SMAD7: variants seen among roughly 807,000 people sequenced by gnomAD.
The protein encoded by SMAD7 is SMAD family member 7.
Under a neutral mutation model 38.7 loss-of-function variants are expected in SMAD7, and 8 were observed. The ratio of observed to expected loss-of-function variants is 0.21; its 90% CI spans 0.12 to 0.37. The LOEUF is 0.37. SMAD7 is among the 10% of genes least tolerant of loss of function. The pLI is 1.00. For missense variants in SMAD7, 477 were observed against 577.9 expected, an observed-to-expected ratio of 0.83 and a Z score of 1.79; for synonymous variants, 327 against 265.1, an observed-to-expected ratio of 1.23 and a Z score of -2.27.
intron 3 of SMAD7, among the ~76,000 whole-genome samples, chr18:48,931,631 G>A (rs563074740): frequency 8.5e-4 from 130 of 152,290 alleles, no homozygotes; most frequent in Non-Finnish European, 1.6e-3. Flanking sequence ...ATCAATAGGG[G>A]GATCATTCCC....
At chr18:48,941,872 T>C (rs931102684) in intron 3 of SMAD7, among the ~76,000 whole-genome samples, 3 of 152,160 alleles carry the variant, frequency 2.0e-5, no homozygotes, top group African/African-American at 7.2e-5. Flanking sequence ...CACGCATACC[T>C]GTGAGCCCTG....
At chr18:48,942,323 A>C (rs1395234792) in intron 3 of SMAD7, among the ~76,000 whole-genome samples, 158 bp downstream of exon 3, 2 of 152,198 alleles carry the variant, frequency 1.3e-5, no homozygotes, top group Non-Finnish European at 2.9e-5. Context: ...GCTGAAGGGC[A>C]CCACAATGTC....
chr18:48,926,322 T>C (rs1370981777), intron 3 of SMAD7, among the ~76,000 whole-genome samples: 3 of 127,132 alleles, frequency 2.4e-5, no homozygotes, highest in African/African-American at 8.6e-5. Context: ...AAGGGCAAGC[T>C]TGGGGAAAAA....
At chr18:48,924,448 G>A (rs890570250) in intron 3 of SMAD7, among the ~76,000 whole-genome samples, 1 of 152,218 alleles carries the variant, frequency 6.6e-6, no homozygotes, top group African/African-American at 2.4e-5. Flanking sequence ...GGCAGAGGAA[G>A]CTGGGTGGGG....
intron 1 of SMAD7, among the ~76,000 whole-genome samples, chr18:48,948,974 C>T (rs1463263119): frequency 6.6e-6 from 1 of 152,218 alleles, no homozygotes; most frequent in African/African-American, 2.4e-5. Context: ...ACATCACACT[C>T]TGTGTACAGA....
chr18:48,939,183 A>C (rs2070107205), intron 3 of SMAD7, among the ~76,000 whole-genome samples: 1 of 129,892 alleles, frequency 7.7e-6, no homozygotes, highest in Non-Finnish European at 1.6e-5. Context: ...ACACACACAC[A>C]CGCATACACA....
At chr18:48,930,483 G>C (rs556112647) in intron 3 of SMAD7, among the ~76,000 whole-genome samples, 4 of 152,314 alleles carry the variant, frequency 2.6e-5, no homozygotes, top group Non-Finnish European at 4.4e-5. Context: ...TACACGGCCA[G>C]CTGCTCTGTG....
Position 48,950,194 on chromosome 18 carries a change from C to A in SMAD7, c.231G>T (p.Pro77=), listed in dbSNP as rs1045669229. The change falls in exon 1 of 4, where the codon CCG becomes CCT. Residue 77 remains proline, a synonymous_variant. Coordinates refer to ENST00000262158, the MANE Select transcript of SMAD7 (RefSeq NM_005904.4). ...CGGCCGCGCCGGCGCCCGCGGCTGG[C>A]GGGTGGGGATGGTGGTGACCTTTGG... The part of the protein sequence containing the change: ...RGAKGHHHPH[P]PAAGAGAAGG... The A allele has an allele frequency of 2.7e-5, 40 of 1,486,816 alleles. No individual in the cohort carries two copies. The African/African-American group carries it at 4.6e-4, about 17-fold the overall frequency. 92.1% of individuals were successfully genotyped at this position (1,486,816 alleles called of 1,614,324 possible). A position where few individuals can be genotyped will look rare whatever the true frequency, so the allele number is the denominator to read the frequency against.
At chr18:48,924,370 A>T (rs2069900509) in intron 3 of SMAD7, among the ~76,000 whole-genome samples, 1 of 152,080 alleles carries the variant, frequency 6.6e-6, no homozygotes. Flanking sequence ...AGGTGCCCCC[A>T]TGCCAGGCCT....
intron 2 of SMAD7, among the ~76,000 whole-genome samples, chr18:48,946,126 A>G (rs1361550715): frequency 6.6e-6 from 1 of 152,080 alleles, no homozygotes; most frequent in Non-Finnish European, 1.5e-5. Flanking sequence ...CCCCATTCCC[A>G]CCACCTTTTC....
At chr18:48,927,162 A>G (rs952069911) in intron 3 of SMAD7, among the ~76,000 whole-genome samples, 1 of 152,186 alleles carries the variant, frequency 6.6e-6, no homozygotes, top group African/African-American at 2.4e-5. Flanking sequence ...TGAGTTCCTC[A>G]TGGAGGAAAC....
intron 3 of SMAD7, among the ~76,000 whole-genome samples, chr18:48,924,943 G>A (rs539001172): frequency 3.3e-5 from 5 of 152,250 alleles, no homozygotes; most frequent in South Asian, 2.1e-4. Flanking sequence ...TGAATTCCCC[G>A]CCATTTGGGC....
intron 3 of SMAD7, among the ~76,000 whole-genome samples, chr18:48,939,674 C>A (rs1002770087): frequency 6.6e-6 from 1 of 152,040 alleles, no homozygotes; most frequent in African/African-American, 2.4e-5. Flanking sequence ...TTCCTCCCAC[C>A]CTAAACTGAG....
At chr18:48,940,567 A>G (rs1309446535) in intron 3 of SMAD7, among the ~76,000 whole-genome samples, 1 of 152,140 alleles carries the variant, frequency 6.6e-6, no homozygotes, top group Non-Finnish European at 1.5e-5. Context: ...CCTGGCCAAC[A>G]TGGCGAAACC....
At chr18:48,925,508 G>GA (rs1380437948) in intron 3 of SMAD7, among the ~76,000 whole-genome samples, 1 of 152,068 alleles carries the variant, frequency 6.6e-6, no homozygotes, top group Non-Finnish European at 1.5e-5. Flanking sequence ...TGGGTGTTGA[G>GA]AAAGGAGAGG....
chr18:48,926,902 C>T (rs2069935413), intron 3 of SMAD7, among the ~76,000 whole-genome samples: 1 of 152,194 alleles, frequency 6.6e-6, no homozygotes, highest in Admixed American at 6.5e-5. Context: ...AAGGGGACTC[C>T]AGTGCCAATC....
At chr18:48,937,264 A>ATGAGTGTG (rs1555717066) in intron 3 of SMAD7, among the ~76,000 whole-genome samples, 19 of 119,878 alleles carry the variant, frequency 1.6e-4, no homozygotes, top group Admixed American at 2.5e-4. Flanking sequence ...AAGTAAAGGC[A>ATGAGTGTG]TGTGTGTGTG....
At chr18:48,938,294 A>G (rs61580530) in intron 3 of SMAD7, among the ~76,000 whole-genome samples, 2 of 152,128 alleles carry the variant, frequency 1.3e-5, no homozygotes, top group African/African-American at 4.8e-5. Flanking sequence ...AGACTTGGGG[A>G]CTAGTAGCCA....
chr18:48,941,032 G>A (rs1321373874), intron 3 of SMAD7, among the ~76,000 whole-genome samples: 2 of 152,106 alleles, frequency 1.3e-5, no homozygotes, highest in African/African-American at 4.8e-5. Flanking sequence ...AGGGGCCGGG[G>A]CTCCTCCCTG....
Sources: allele counts gnomAD v4.1 joint callset (sites outside exome capture counted in the v4.1 genomes callset), GRCh38; gene constraint gnomAD v4.1.1; transcripts MANE v1.5; gene names NCBI Gene and HGNC (gene_info 2026-07-23, HGNC 2026-07-21).